The following IL33 variants were observed in gnomAD, a reference collection of about 807,000 sequenced individuals.
IL33 encodes the protein interleukin 33, also known as interleukin-33.
A neutral mutation model predicts 27.3 loss-of-function variants in IL33; 37 were observed. The observed-to-expected ratio is 1.36, with a 90% CI of 1.04 to 1.78. IL33 has a LOEUF of 1.78. Among genes scored for constraint, IL33 ranks in the 40% most tolerant of loss-of-function variants. The pLI, the probability that IL33 is intolerant of heterozygous loss-of-function variation, is 0.00. For missense variants in IL33, 406 were observed against 311.4 expected (o/e 1.30, Z -2.29); for synonymous variants, 132 against 102.9 (o/e 1.28, Z -1.71).
At chr9:6,226,181 T>A (rs886225962) in intron 1 of IL33, among the ~76,000 whole-genome samples, 1 of 151,838 alleles carries the variant, frequency 6.6e-6, no homozygotes, top group African/African-American at 2.4e-5. Context: ...CTAATTTTTT[T>A]AATTATTTTT....
intron 1 of IL33, among the ~76,000 whole-genome samples, chr9:6,226,021 T>TTAAA (rs1286426431): frequency 6.6e-6 from 1 of 152,148 alleles, no homozygotes; most frequent in Non-Finnish European, 1.5e-5. Flanking sequence ...CTCTCTCTCT[T>TTAAA]TTTAGAGACA....
At chr9:6,247,176 G>A in intron 2 of IL33, among the ~76,000 whole-genome samples, 1 of 152,176 alleles carries the variant, frequency 6.6e-6, no homozygotes, top group East Asian at 1.9e-4. Context: ...AAGAGTGAGA[G>A]AAGAAAAAAA....
intron 1 of IL33, among the ~76,000 whole-genome samples, chr9:6,233,848 A>T (rs902875742): frequency 6.6e-6 from 1 of 151,852 alleles, no homozygotes; most frequent in Non-Finnish European, 1.5e-5. Context: ...GTTCCCTTTC[A>T]TTACTGTATT....
At chr9:6,227,433 G>A (rs999119242) in intron 1 of IL33, among the ~76,000 whole-genome samples, 2 of 152,260 alleles carry the variant, frequency 1.3e-5, no homozygotes, top group Non-Finnish European at 2.9e-5. Flanking sequence ...TTTTTATCAG[G>A]AGGGCTGTTC....
chr9:6,218,281 A>G (rs766590091), intron 1 of IL33, among the ~76,000 whole-genome samples: 1 of 152,138 alleles, frequency 6.6e-6, no homozygotes, highest in Non-Finnish European at 1.5e-5. Flanking sequence ...TCTCTTTCAC[A>G]TCATTGTTTA....
chr9:6,226,007 T>TTC (rs1269496893), intron 1 of IL33, among the ~76,000 whole-genome samples: 1 of 151,844 alleles, frequency 6.6e-6, no homozygotes, highest in Admixed American at 6.6e-5. Context: ...TGGATTTTTC[T>TTC]TCTCTCTCTC....
chr9:6,248,006 C>T (rs1819964703), intron 2 of IL33, among the ~76,000 whole-genome samples: 1 of 151,976 alleles, frequency 6.6e-6, no homozygotes, highest in South Asian at 2.1e-4. Flanking sequence ...TCCTGTTCCC[C>T]CCAGAGTCCA....
chr9:6,240,331 G>A (rs776258571), intron 1 of IL33, among the ~76,000 whole-genome samples: 43 of 152,096 alleles, frequency 2.8e-4, no homozygotes, highest in African/African-American at 8.2e-4. Context: ...AACTTGAAGC[G>A]TGGGGTGGAG....
chr9:6,246,925 T>C (rs1039069348), intron 2 of IL33, among the ~76,000 whole-genome samples: 3 of 152,218 alleles, frequency 2.0e-5, no homozygotes, highest in Non-Finnish European at 1.5e-5. Context: ...AAGACCAGTG[T>C]ACTTTAGTTT....
intron 2 of IL33, among the ~76,000 whole-genome samples, chr9:6,246,488 G>A (rs12686856): frequency 3.4e-3 from 525 of 152,238 alleles, no homozygotes; most frequent in African/African-American, 0.012. Flanking sequence ...CTGGAACCCA[G>A]GAGGCAGAGG....
At chr9:6,220,442 C>G (rs567216334) in intron 1 of IL33, among the ~76,000 whole-genome samples, 2 of 152,338 alleles carry the variant, frequency 1.3e-5, no homozygotes, top group East Asian at 1.9e-4. Context: ...ATCTCAGCCA[C>G]TCTAACTTCT....
At chr9:6,252,424 C>G (rs1816453347) in intron 4 of IL33, among the ~76,000 whole-genome samples, 1 of 152,234 alleles carries the variant, frequency 6.6e-6, no homozygotes, top group South Asian at 2.1e-4. Context: ...GAGGAGAGAA[C>G]AGGGCTTATA....
intron 2 of IL33, among the ~76,000 whole-genome samples, chr9:6,245,782 G>A (rs530637023): frequency 6.6e-6 from 1 of 152,260 alleles, no homozygotes; most frequent in African/African-American, 2.4e-5. Context: ...TTGGGTAGAC[G>A]CCAGGTGTTG....
chr9:6,235,047 T>G (rs1333333921), intron 1 of IL33, among the ~76,000 whole-genome samples: 1 of 152,184 alleles, frequency 6.6e-6, no homozygotes, highest in African/African-American at 2.4e-5. Flanking sequence ...CTATCTTTAT[T>G]TTTTTCATTT....
intron 6 of IL33, among the ~76,000 whole-genome samples, chr9:6,254,251 T>A (rs866089159): frequency 6.6e-6 from 1 of 152,158 alleles, no homozygotes; most frequent in East Asian, 1.9e-4. Context: ...TTAAAAAGCA[T>A]ATAAGAAAAC....
intron 2 of IL33, among the ~76,000 whole-genome samples, chr9:6,249,963 G>C (rs919764064): frequency 1.3e-5 from 2 of 152,158 alleles, no homozygotes. Context: ...TTCTAGACAA[G>C]GAGAAAAGAT....
At chr9:6,218,928 A>G (rs1389865786) in intron 1 of IL33, among the ~76,000 whole-genome samples, 3 of 122,158 alleles carry the variant, frequency 2.5e-5, no homozygotes, top group Admixed American at 8.3e-5. Context: ...ATATATATAT[A>G]TATATATATA....
In IL33 at chr9:6,252,990, A is replaced by G. The variant is rs777183788; in HGVS notation, c.468A>G (p.Lys156=). Residue 156 remains lysine (K), a splice_region_variant and synonymous_variant, in exon 5 of 8, where the codon AAA becomes AAG. Coordinates refer to ENST00000682010, the MANE Select transcript of IL33 (RefSeq NM_033439.4). ...AAGACTTGAAAAAAGATGAAAAGAA[A>G]GGTAGATTATTTTCTTTTTCTATAA... The part of the protein sequence containing the change: ...YVEDLKKDEK[K]DKVLLSYYES... 5 of 1,505,310 alleles carry G rather than the reference A, an allele frequency of 3.3e-6. No individual in the cohort carries two copies. The East Asian group carries it at 1.1e-4, about 34-fold the overall frequency. 93.2% of individuals were successfully genotyped at this position (1,505,310 alleles called of 1,614,324 possible).
At chr9:6,217,884 A>G (rs900975450) in intron 1 of IL33, among the ~76,000 whole-genome samples, 9 of 146,830 alleles carry the variant, frequency 6.1e-5, no homozygotes, top group African/African-American at 1.9e-4. Flanking sequence ...AAAGACCCGT[A>G]TTTCCTCCTC....
Sources: allele counts gnomAD v4.1 joint callset (sites outside exome capture counted in the v4.1 genomes callset), GRCh38; gene constraint gnomAD v4.1.1; transcripts MANE v1.5; gene names NCBI Gene and HGNC (gene_info 2026-07-23, HGNC 2026-07-21).